SGCZ: variants seen among roughly 807,000 people sequenced by gnomAD.
SGCZ encodes the protein sarcoglycan zeta, also known as zeta-sarcoglycan.
SGCZ carries 40 observed loss-of-function variants against 41.3 expected under a neutral mutation model. The observed-to-expected ratio is 0.97, with a 90% CI of 0.75 to 1.26. The LOEUF is 1.26. Among genes scored for constraint, SGCZ ranks in the 50% most tolerant of loss-of-function variants. SGCZ has a pLI of 0.00. For synonymous variants in SGCZ, 206 were observed against 137.5 expected, an observed-to-expected ratio of 1.50 and a Z score of -3.49; for missense variants, 552 against 369.8, an observed-to-expected ratio of 1.49 and a Z score of -4.04.
intron 2 of SGCZ, among the ~76,000 whole-genome samples, chr8:14,498,274 A>C (rs187357205): frequency 6.6e-6 from 1 of 152,256 alleles, no homozygotes; most frequent in Non-Finnish European, 1.5e-5. Context: ...AGTTTAATTT[A>C]TATTTTAAAT....
At chr8:14,288,449 T>C (rs9657234) in intron 3 of SGCZ, among the ~76,000 whole-genome samples, 147,083 of 152,086 alleles carry the variant, frequency 0.97, 71,284 homozygotes, top group East Asian at 1. Context: ...CTCCCTACCC[T>C]CGGCCACTGG....
chr8:14,192,877 T>G (rs1805148154), intron 4 of SGCZ, among the ~76,000 whole-genome samples: 1 of 152,104 alleles, frequency 6.6e-6, no homozygotes, highest in Non-Finnish European at 1.5e-5. Context: ...CAGTGCAGTA[T>G]TTCTTGAGAC....
intron 5 of SGCZ, among the ~76,000 whole-genome samples, chr8:14,155,027 T>C (rs988735955): frequency 5.4e-4 from 82 of 152,174 alleles, no homozygotes; most frequent in African/African-American, 1.9e-3. Context: ...CATCAACTGA[T>C]TTACAGCCAC....
At chr8:14,915,601 A>C (rs1264021282) in intron 1 of SGCZ, among the ~76,000 whole-genome samples, 1 of 152,140 alleles carries the variant, frequency 6.6e-6, no homozygotes, top group Non-Finnish European at 1.5e-5. Context: ...GATCAACTGG[A>C]AAGCCCATTT....
chr8:14,260,586 C>G (rs1799624806), intron 3 of SGCZ, among the ~76,000 whole-genome samples: 1 of 148,658 alleles, frequency 6.7e-6, no homozygotes, highest in African/African-American at 2.5e-5. Flanking sequence ...ACCCAGCCAT[C>G]CCATTACTGG....
chr8:14,139,205 G>A (rs1000768761), intron 5 of SGCZ, among the ~76,000 whole-genome samples: 1 of 152,018 alleles, frequency 6.6e-6, no homozygotes, highest in Admixed American at 6.5e-5. Flanking sequence ...TGTGTAGAGG[G>A]AAATTTATAG....
intron 1 of SGCZ, among the ~76,000 whole-genome samples, chr8:15,108,241 A>G (rs1806908044): frequency 1.3e-5 from 2 of 152,352 alleles, no homozygotes; most frequent in South Asian, 4.1e-4. Context: ...GAAATTAGTA[A>G]TATGGGTTTT....
intron 2 of SGCZ, among the ~76,000 whole-genome samples, chr8:14,357,660 T>C (rs1249789143): frequency 6.6e-6 from 1 of 152,174 alleles, no homozygotes; most frequent in East Asian, 1.9e-4. Flanking sequence ...GTCAAAGGCA[T>C]TGACTGTTGA....
chr8:14,447,971 C>T (rs903322528), intron 2 of SGCZ, among the ~76,000 whole-genome samples: 1 of 152,016 alleles, frequency 6.6e-6, no homozygotes, highest in Non-Finnish European at 1.5e-5. Flanking sequence ...AGAGCCCAAA[C>T]GGAAATGTAC....
chr8:14,186,328 C>G (rs1323796973), intron 4 of SGCZ, among the ~76,000 whole-genome samples: 1 of 152,206 alleles, frequency 6.6e-6, no homozygotes, highest in African/African-American at 2.4e-5. Flanking sequence ...TCATTTTAGC[C>G]ATGAATCTCT....
chr8:14,273,917 AG>A (rs1585307511), intron 3 of SGCZ, among the ~76,000 whole-genome samples: 1 of 152,222 alleles, frequency 6.6e-6, no homozygotes, highest in Admixed American at 6.5e-5. Context: ...TTGTTTTACA[AG>A]AAAAACTGAA....
chr8:14,993,596 A>T (rs1195577606), intron 1 of SGCZ, among the ~76,000 whole-genome samples: 3 of 152,320 alleles, frequency 2.0e-5, no homozygotes, highest in African/African-American at 7.2e-5. Flanking sequence ...ATGGTCAGAA[A>T]AGTGCTCAAT....
chr8:14,440,652 T>C lies in SGCZ; in HGVS notation c.234+114080A>G, dbSNP rs567446746. Among the ~76,000 whole-genome samples the C allele has an allele frequency of 2.0e-5, 3 of 151,386 alleles. 1 individual carries two copies. The highest frequency in any genetic ancestry group is 7.2e-5 in the African/African-American group (3 of 41,402). ...AAGGCAAAATGATTGTTCATATACA[T>C]GTATATATGTGTCTGTATGTATATA... On this transcript the variant is annotated intron_variant, in intron 2 of 7. Coordinates refer to ENST00000382080, the MANE Select transcript of SGCZ (RefSeq NM_139167.4).
At chr8:14,869,853 A>AAAATACT (rs1385866174) in intron 1 of SGCZ, among the ~76,000 whole-genome samples, 1 of 150,732 alleles carries the variant, frequency 6.6e-6, no homozygotes, top group African/African-American at 2.4e-5. Flanking sequence ...TACAAAGGAA[A>AAAATACT]TAGGAATCCA....
chr8:14,102,147 C>G (rs897273429), intron 7 of SGCZ, among the ~76,000 whole-genome samples: 1 of 148,740 alleles, frequency 6.7e-6, no homozygotes, highest in African/African-American at 2.5e-5. Context: ...ACCGTGTTAG[C>G]CAGGATGTTC....
At chr8:15,234,376 TTAAAG>T (rs750427675) in intron 1 of SGCZ, among the ~76,000 whole-genome samples, 6 of 152,296 alleles carry the variant, frequency 3.9e-5, no homozygotes, top group Middle Eastern at 6.8e-3. Context: ...TGTTTCTTCT[TTAAAG>T]TAAACACCAG....
At chr8:14,297,191 G>A (rs1007229313) in intron 3 of SGCZ, among the ~76,000 whole-genome samples, 10 of 151,976 alleles carry the variant, frequency 6.6e-5, no homozygotes, top group African/African-American at 2.2e-4. Context: ...CAAAAGTGCT[G>A]GGATTACAGG....
intron 1 of SGCZ, among the ~76,000 whole-genome samples, chr8:14,630,906 G>A (rs1215347971): frequency 6.6e-6 from 1 of 151,288 alleles, no homozygotes; most frequent in East Asian, 2.0e-4. Context: ...AGCATTAGGA[G>A]ATATACCTAA....
chr8:14,876,375 G>C (rs1244214590), intron 1 of SGCZ, among the ~76,000 whole-genome samples: 2 of 152,156 alleles, frequency 1.3e-5, no homozygotes, highest in Non-Finnish European at 2.9e-5. Flanking sequence ...ATTCATAGCT[G>C]TAAATATCAA....
Sources: gnomAD v4.1 joint callset for allele counts (sites outside exome capture counted in the v4.1 genomes callset) on GRCh38, gnomAD v4.1.1 for gene constraint, MANE v1.5 for transcripts, NCBI Gene and HGNC (gene_info 2026-07-23, HGNC 2026-07-21) for gene names.